Variants in VTA1 observed in about 807,000 individuals in gnomAD.
VTA1 encodes vesicle trafficking 1.
Under a neutral mutation model 36.9 loss-of-function variants are expected in VTA1, and 24 were observed. The ratio of observed to expected loss-of-function variants is 0.65; its 90% confidence interval spans 0.47 to 0.91. VTA1 has a LOEUF of 0.91. Ranked by LOEUF, VTA1 falls within the 40% of genes least tolerant of loss-of-function variation. VTA1 has a pLI of 0.00. For synonymous variants in VTA1, 142 were observed against 130.2 expected (o/e 1.09, Z -0.62); for missense variants, 393 against 377.2 (o/e 1.04, Z -0.35).
At chr6:142,176,220 A>G (rs1775121600) in intron 4 of VTA1, among the ~76,000 whole-genome samples, 1 of 152,174 alleles carries the variant, frequency 6.6e-6, no homozygotes, top group Non-Finnish European at 1.5e-5. Flanking sequence ...TTCATTCATA[A>G]TCTTTGGTTA....
chr6:142,175,871 A>G lies in VTA1; in HGVS notation c.411+5450A>G, dbSNP rs112381322. Among the ~76,000 whole-genome samples, 1,409 of 151,256 alleles carry G rather than the reference A, an allele frequency of 9.3e-3. 31 individuals are homozygous for G. Among genetic ancestry groups the G allele is most frequent in the African/African-American group, 0.032 (1,335 of 41,192 alleles). Reference sequence around the variant, plus strand: ...AACATTTTTGTTTTTTTATTTTTTAATATTTTGTCTGCCACTATTCTATTT... The same window carrying G: ...AACATTTTTGTTTTTTTATTTTTTAGTATTTTGTCTGCCACTATTCTATTT... On this transcript the variant is annotated intron_variant, in intron 4 of 7. Transcript: ENST00000367630.
intron 1 of VTA1, among the ~76,000 whole-genome samples, chr6:142,155,388 A>G (rs1005558426): frequency 6.6e-6 from 1 of 152,214 alleles, no homozygotes; most frequent in African/African-American, 2.4e-5. Context: ...CATTTATGAT[A>G]AGCTCAAAAT....
chr6:142,186,374 C>T (rs920989064), intron 4 of VTA1, among the ~76,000 whole-genome samples: 3 of 151,922 alleles, frequency 2.0e-5, no homozygotes, highest in Admixed American at 6.6e-5. Flanking sequence ...AAGATTGACA[C>T]GAATGGATTT....
intron 1 of VTA1, among the ~76,000 whole-genome samples, chr6:142,154,000 C>CT (rs1302198013): frequency 6.6e-6 from 1 of 151,902 alleles, no homozygotes; most frequent in African/African-American, 2.4e-5. Flanking sequence ...TTTATTCAGG[C>CT]TTTGTCAGTT....
intron 7 of VTA1, among the ~76,000 whole-genome samples, chr6:142,216,972 G>T (rs1776015480): frequency 6.6e-6 from 1 of 152,124 alleles, no homozygotes; most frequent in African/African-American, 2.4e-5. Flanking sequence ...AGCGTATGTA[G>T]TGTAAATATA....
intron 7 of VTA1, among the ~76,000 whole-genome samples, chr6:142,217,912 T>C (rs1582909821): frequency 1.3e-5 from 2 of 152,098 alleles, no homozygotes; most frequent in South Asian, 2.1e-4. Flanking sequence ...TATGTATAAC[T>C]AGAAAACTTG....
At chr6:142,159,572 GATGCAATCTCAGCTCACTGC>G (rs1774753209) in intron 1 of VTA1, among the ~76,000 whole-genome samples, 2 of 150,046 alleles carry the variant, frequency 1.3e-5, no homozygotes, top group South Asian at 4.3e-4. Context: ...GGAATGCAGT[GATGCAATCTCAGCTCACTGC>G]AACTTCTGCC....
intron 4 of VTA1, among the ~76,000 whole-genome samples, chr6:142,176,698 G>T (rs1338535204): frequency 6.6e-6 from 1 of 151,604 alleles, no homozygotes; most frequent in Admixed American, 6.6e-5. Flanking sequence ...ATTTAAAAAG[G>T]CATACAGATA....
chr6:142,185,747 G>C (rs993261123), intron 4 of VTA1, among the ~76,000 whole-genome samples: 25 of 152,190 alleles, frequency 1.6e-4, no homozygotes, highest in African/African-American at 6.0e-4. Flanking sequence ...CTATCTAACT[G>C]TATCATAAAC....
chr6:142,208,067 T>A (rs1383499790), intron 7 of VTA1, among the ~76,000 whole-genome samples: 1 of 126,750 alleles, frequency 7.9e-6, no homozygotes, highest in African/African-American at 3.0e-5. Context: ...CCAGCCTGGG[T>A]GACAGTGAGA....
chr6:142,167,324 G>C (rs1277556201), intron 2 of VTA1, among the ~76,000 whole-genome samples: 1 of 152,072 alleles, frequency 6.6e-6, no homozygotes, highest in Non-Finnish European at 1.5e-5. Flanking sequence ...GCCATACCTG[G>C]TTTCTCTTTT....
At position 142,220,196 on chromosome 6, in the gene VTA1, T is replaced by C. The variant is rs899125705; in HGVS notation, c.*1553T>C. The C allele has an allele frequency of 1.3e-5, 2 of 152,204 alleles. No individual in the cohort carries two copies. The highest frequency in any genetic ancestry group is 2.9e-5 in the Non-Finnish European group (2 of 68,028). 9.4% of individuals were successfully genotyped at this position (152,204 alleles called of 1,614,324 possible). On this transcript the variant is annotated 3_prime_UTR_variant, in exon 8 of 8. Coordinates refer to ENST00000367630, the MANE Select transcript of VTA1 (RefSeq NM_016485.5). ...ATCTTTTACAAGAGGTATGAACATT[T>C]GTAGGGTTCCACATTTGCATCTAGA...
In VTA1 at chr6:142,220,012, A is replaced by G. The variant is rs1043219497; in HGVS notation, c.*1369A>G. On this transcript the variant is annotated 3_prime_UTR_variant, in exon 8 of 8. Transcript: ENST00000367630. ...TAGTCTAATGGCCTTTTGGGAAAAA[A>G]CAAATCACTAACTCATAATCATTTA... 4 of 152,202 alleles carry G rather than the reference A, an allele frequency of 2.6e-5. 1 individual carries two copies. In the East Asian group the frequency reaches 7.7e-4, roughly 29 times the overall value. 9.4% of individuals were successfully genotyped at this position (152,202 alleles called of 1,614,324 possible). A position where few individuals can be genotyped will look rare whatever the true frequency, so the allele number is the denominator to read the frequency against.
intron 5 of VTA1, among the ~76,000 whole-genome samples, chr6:142,193,972 C>T (rs1775499187): frequency 6.6e-6 from 1 of 152,060 alleles, no homozygotes; most frequent in African/African-American, 2.4e-5. Flanking sequence ...TGAGCAACTA[C>T]TCTGGACTTA....
intron 4 of VTA1, among the ~76,000 whole-genome samples, chr6:142,181,820 C>A (rs1775246909): frequency 6.6e-6 from 1 of 151,860 alleles, no homozygotes; most frequent in Non-Finnish European, 1.5e-5. Flanking sequence ...TTTTACTCTC[C>A]CTTTTAAAAA....
At chr6:142,213,588 C>T (rs1238282257) in intron 7 of VTA1, among the ~76,000 whole-genome samples, 1 of 152,222 alleles carries the variant, frequency 6.6e-6, no homozygotes, top group Non-Finnish European at 1.5e-5. Context: ...CATGAGGGCT[C>T]CACCAGTGCA....
At chr6:142,186,578 G>A (rs911967116) in intron 4 of VTA1, among the ~76,000 whole-genome samples, 4 of 151,982 alleles carry the variant, frequency 2.6e-5, no homozygotes, top group African/African-American at 7.3e-5. Flanking sequence ...GGGGGGAGAG[G>A]CAAAGTATAG....
chr6:142,172,111 A>G (rs888781431), intron 4 of VTA1, among the ~76,000 whole-genome samples: 1 of 152,104 alleles, frequency 6.6e-6, no homozygotes, highest in African/African-American at 2.4e-5. Flanking sequence ...CCTGGGTTCA[A>G]GTGATTCCCC....
chr6:142,161,732 T>C (rs1774814106), intron 1 of VTA1, among the ~76,000 whole-genome samples: 1 of 152,192 alleles, frequency 6.6e-6, no homozygotes. Flanking sequence ...GTATTGCTGC[T>C]GCTAGAATGA....
Sources: gnomAD v4.1 joint callset for allele counts (sites outside exome capture counted in the v4.1 genomes callset) on GRCh38, gnomAD v4.1.1 for gene constraint, MANE v1.5 for transcripts, NCBI Gene and HGNC (gene_info 2026-07-23, HGNC 2026-07-21) for gene names.